The following ABHD6 variants were observed in gnomAD, a reference collection of about 807,000 sequenced individuals.
ABHD6 encodes monoacylglycerol lipase ABHD6.
In ABHD6, 33 loss-of-function variants were observed where a neutral mutation model predicts 38.8. That is an observed-to-expected ratio of 0.85 (90% CI 0.64 to 1.14). ABHD6 has a LOEUF of 1.14. Among genes scored for constraint, ABHD6 ranks in the 50% most tolerant of loss-of-function variants. The pLI, the probability that ABHD6 is intolerant of heterozygous loss-of-function variation, is 0.00. For synonymous variants in ABHD6, 147 were observed against 161.6 expected (o/e 0.91, Z 0.69); for missense variants, 380 against 422.6 (o/e 0.90, Z 0.88).
intron 6 of ABHD6, among the ~76,000 whole-genome samples, 168 bp from the exon 7 acceptor site, chr3:58,274,490 T>G (rs2097447321): frequency 6.6e-6 from 1 of 152,102 alleles, no homozygotes. Context: ...TGTTTCTCAG[T>G]GTGGTTTTGA....
At chr3:58,253,249 A>C (rs1337903687) in intron 2 of ABHD6, among the ~76,000 whole-genome samples, 1 of 151,918 alleles carries the variant, frequency 6.6e-6, no homozygotes, top group Non-Finnish European at 1.5e-5. Flanking sequence ...GGCTTTGGGC[A>C]TAAACTGTTC....
In ABHD6 at chr3:58,255,451, T is replaced by C. The variant is rs369943286; in HGVS notation, c.-25-1111T>C. Among the ~76,000 whole-genome samples the C allele has an allele frequency of 2.7e-4, 41 of 149,274 alleles. No individual in the cohort carries two copies. In the South Asian group the frequency reaches 3.6e-3, roughly 13 times the overall value. ...ATGTATATTTGTTCATTGATTTCTT[T>C]AAAAGTCTGTCTTTTTTTTTTTTTT... On this transcript the variant is annotated intron_variant, in intron 2 of 9. Coordinates refer to ENST00000478253, the MANE Select transcript of ABHD6 (RefSeq NM_001320126.2).
chr3:58,283,004 A>T (rs1038653994), intron 7 of ABHD6, among the ~76,000 whole-genome samples: 2 of 152,220 alleles, frequency 1.3e-5, no homozygotes, highest in African/African-American at 4.8e-5. Context: ...AGGAGAGTCC[A>T]TGGCTGAGGC....
chr3:58,260,716 T>C (rs1322451933), intron 3 of ABHD6, among the ~76,000 whole-genome samples: 1 of 152,192 alleles, frequency 6.6e-6, no homozygotes, highest in Non-Finnish European at 1.5e-5. Flanking sequence ...TCAGGATTGC[T>C]ACACAAACAG....
At chr3:58,258,117 G>A (rs750955138) in intron 3 of ABHD6, among the ~76,000 whole-genome samples, 3 of 152,056 alleles carry the variant, frequency 2.0e-5, no homozygotes, top group African/African-American at 2.4e-5. Context: ...AGACCAGCCC[G>A]ACCAACATGG....
chr3:58,269,227 G>A lies in ABHD6; in HGVS notation c.277-94G>A. 2 of 840,392 alleles carry A rather than the reference G, an allele frequency of 2.4e-6. No individual in the cohort carries two copies. Among genetic ancestry groups the A allele is most frequent in the Non-Finnish European group, 3.9e-6 (2 of 506,992 alleles). The allele number at this position is 840,392 out of a possible 1,614,324, so 52.1% of individuals were successfully genotyped here. ...GACCCATACATCCCCAGGGATGGCT[G>A]TCTGGGTCACTGTACATGGGGCAAC... On this transcript the variant is annotated intron_variant, in intron 4 of 9. Coordinates refer to ENST00000478253, the MANE Select transcript of ABHD6 (RefSeq NM_001320126.2). The surrounding 1 kb of genome is among the most constrained non-coding windows in gnomAD (Gnocchi z 4.4).
rs1313910281 is a variant in ABHD6 at position 58,256,204 on chromosome 3, A to G, written c.-25-358A>G. 6.6e-6 allele frequency among the ~76,000 whole-genome samples: 1 copy of G among 152,156 alleles called. No homozygotes were observed. Among genetic ancestry groups the G allele is most frequent in the East Asian group, 1.9e-4 (1 of 5,196 alleles). On this transcript the variant is annotated intron_variant, in intron 2 of 9. Transcript: ENST00000478253. The surrounding 1 kb of genome is among the most constrained non-coding windows in gnomAD (Gnocchi z 4.3). The stretch of plus-strand genomic sequence containing the variant: ...ACAACTTCAGCAAACATCTCCTAAA[A>G]GGGAAGATATTCTCCTACATACATA...
Position 58,259,084 on chromosome 3 carries a change from T to C in ABHD6, c.119+2379T>C, listed in dbSNP as rs972016399. Among the ~76,000 whole-genome samples, 4 of 152,158 alleles carry C rather than the reference T, an allele frequency of 2.6e-5. No homozygotes were observed. Among genetic ancestry groups the C allele is most frequent in the Non-Finnish European group, 4.4e-5 (3 of 68,038 alleles). ...TGCCACACACAAAACGCCGTTTTTA[T>C]TAACGACATGAAATTGAAGGAGAGA... is the stretch of plus-strand genomic sequence containing the variant. On this transcript the variant is annotated intron_variant, in intron 3 of 9. Transcript: ENST00000478253. This position sits in a 1 kb window ranked among gnomAD's most constrained non-coding sequence, Gnocchi z 4.7.
intron 2 of ABHD6, among the ~76,000 whole-genome samples, chr3:58,254,254 T>C (rs1165766619): frequency 6.6e-6 from 1 of 152,176 alleles, no homozygotes; most frequent in African/African-American, 2.4e-5. Flanking sequence ...GCCTTTCCTA[T>C]GTGACAGGGT....
Position 58,267,859 on chromosome 3 carries a change from C to G in ABHD6, c.276+514C>G, listed in dbSNP as rs1316923314. ...TTTGGGGAGGCCAAGGCAGGCAGAT[C>G]ACTTGAGCCCAGGAGTTTGAGACCA... On this transcript the variant is annotated intron_variant, in intron 4 of 9. Transcript: ENST00000478253. The surrounding 1 kb of genome is among the most constrained non-coding windows in gnomAD (Gnocchi z 4.3). Among the ~76,000 whole-genome samples, 1 of 151,862 alleles carries G rather than the reference C, an allele frequency of 6.6e-6. No individual in the cohort carries two copies. The highest frequency in any genetic ancestry group is 1.9e-4 in the East Asian group (1 of 5,140).
chr3:58,266,665 C>T lies in ABHD6; in HGVS notation c.120-524C>T, dbSNP rs997210280. On this transcript the variant is annotated intron_variant, in intron 3 of 9. Coordinates refer to ENST00000478253, the MANE Select transcript of ABHD6 (RefSeq NM_001320126.2). This position sits in a 1 kb window ranked among gnomAD's most constrained non-coding sequence, Gnocchi z 4.0. Reference sequence around the variant, plus strand: ...GCACCTCTGATTGAATTAATTATCTCTCATCTTGGAGGGATTCACCATGCA... The same window carrying T: ...GCACCTCTGATTGAATTAATTATCTTTCATCTTGGAGGGATTCACCATGCA... 6.6e-6 allele frequency among the ~76,000 whole-genome samples: 1 copy of T among 152,180 alleles called. No homozygotes were observed. The highest frequency in any genetic ancestry group is 1.5e-5 in the Non-Finnish European group (1 of 68,036).
chr3:58,291,160 C>T (rs1019257944), intron 9 of ABHD6, among the ~76,000 whole-genome samples: 18 of 150,082 alleles, frequency 1.2e-4, no homozygotes, highest in African/African-American at 4.4e-4. Context: ...GCGGATCACT[C>T]GCGGTTAGGA....
rs573053665 is a variant in ABHD6, at chr3:58,245,959, A to G, written c.-90-3919A>G. Among the ~76,000 whole-genome samples, 14 of 152,362 alleles carry G rather than the reference A, an allele frequency of 9.2e-5. 1 individual carries two copies. Among genetic ancestry groups the G allele is most frequent in the South Asian group, 4.1e-4 (2 of 4,834 alleles). On this transcript the variant is annotated intron_variant, in intron 1 of 9. Transcript: ENST00000478253. ...TGAGGTTCTATTTTTTCCATCTGCTATATAGCACACCAATAGAGGGCTATT... is the reference window on the plus strand; with the variant it reads ...TGAGGTTCTATTTTTTCCATCTGCTGTATAGCACACCAATAGAGGGCTATT...
At position 58,267,090 on chromosome 3, in the gene ABHD6, T is replaced by C. The variant is rs1263721210; in HGVS notation, c.120-99T>C. ...AAGGGCTGGAGAAGTGTTTGTGTTA[T>C]CACTAAGGAAGACTTATAGAGAGGA... On this transcript the variant is annotated intron_variant, in intron 3 of 9. Coordinates refer to ENST00000478253, the MANE Select transcript of ABHD6 (RefSeq NM_001320126.2). The surrounding 1 kb of genome is among the most constrained non-coding windows in gnomAD (Gnocchi z 4.3). 3 of 1,284,738 alleles carry C rather than the reference T, an allele frequency of 2.3e-6. No individual in the cohort carries two copies. Among genetic ancestry groups the C allele is most frequent in the Admixed American group, 4.3e-5 (2 of 46,712 alleles). 79.6% of individuals were successfully genotyped at this position (1,284,738 alleles called of 1,614,324 possible).
chr3:58,286,020 C>CT lies in ABHD6; in HGVS notation c.837+571dup, dbSNP rs1219381531. 4.6e-4 allele frequency among the ~76,000 whole-genome samples: 38 copies of CT among 82,228 alleles called. No homozygotes were observed. In the South Asian group the frequency reaches 8.2e-3, roughly 18 times the overall value. 53.9% of individuals were successfully genotyped at this position (82,228 alleles called of 152,430 possible). Reference sequence around the variant, plus strand: ...GCTCACCTAATTTTTGTTTTTTGTTCTTTTGTTTTTTTTTTTTTAGACGAA... The same window carrying CT: ...GCTCACCTAATTTTTGTTTTTTGTTCTTTTTGTTTTTTTTTTTTTAGACGAA... On this transcript the variant is annotated intron_variant, in intron 9 of 9. Coordinates refer to ENST00000478253, the MANE Select transcript of ABHD6 (RefSeq NM_001320126.2).
At chr3:58,289,985 CG>C (rs1263804390) in intron 9 of ABHD6, among the ~76,000 whole-genome samples, 1 of 140,730 alleles carries the variant, frequency 7.1e-6, no homozygotes, top group Non-Finnish European at 1.5e-5. Context: ...GCTGGCCGGG[CG>C]GGGGGCTGAC....
In ABHD6 at chr3:58,257,372, G is replaced by T. The variant is rs1272710673; in HGVS notation, c.119+667G>T. ...GGTTGGTTTTTTGGGTTTTTGTTTG[G>T]TTTTTTTTTTGAAACAGTCTCCCTC... On this transcript the variant is annotated intron_variant, in intron 3 of 9. Coordinates refer to ENST00000478253, the MANE Select transcript of ABHD6 (RefSeq NM_001320126.2). The surrounding 1 kb of genome is among the most constrained non-coding windows in gnomAD (Gnocchi z 4.8). Among the ~76,000 whole-genome samples, 68 of 82,902 alleles carry T rather than the reference G, an allele frequency of 8.2e-4. No homozygotes were observed. The highest frequency in any genetic ancestry group is 1.9e-3 in the East Asian group (2 of 1,080). The allele number at this position is 82,902 out of a possible 152,430, so 54.4% of individuals were successfully genotyped here.
intron 4 of ABHD6, among the ~76,000 whole-genome samples, chr3:58,268,341 C>G (rs1243715571): frequency 6.6e-6 from 1 of 152,178 alleles, no homozygotes; most frequent in Non-Finnish European, 1.5e-5. Context: ...TCCTTTCCTT[C>G]CCACTCCCTC....
At chr3:58,278,145 T>C (rs1004867424) in intron 7 of ABHD6, among the ~76,000 whole-genome samples, 2 of 152,220 alleles carry the variant, frequency 1.3e-5, no homozygotes, top group African/African-American at 2.4e-5. Context: ...GGATTCCCTC[T>C]TTATTGATTG....
Sources: allele counts gnomAD v4.1 joint callset (sites outside exome capture counted in the v4.1 genomes callset), GRCh38; gene constraint gnomAD v4.1.1; non-coding constraint Gnocchi (gnomAD v3.1); transcripts MANE v1.5; gene names NCBI Gene and HGNC (gene_info 2026-07-23, HGNC 2026-07-21).